Variants in GABRB1 observed in about 807,000 individuals in gnomAD.
The protein encoded by GABRB1 is gamma-aminobutyric acid receptor subunit beta-1.
A neutral mutation model predicts 51.6 loss-of-function variants in GABRB1; 17 were observed. That is an observed-to-expected ratio of 0.33 (90% CI 0.23 to 0.49). The LOEUF (loss-of-function observed/expected upper bound fraction) is 0.49, where lower values mean the gene tolerates loss of function less well. GABRB1 is among the 20% of genes least tolerant of loss of function. The pLI is 0.99. For synonymous variants in GABRB1, 247 were observed against 218.9 expected, an observed-to-expected ratio of 1.13 and a Z score of -1.14; for missense variants, 410 against 600.6, an observed-to-expected ratio of 0.68 and a Z score of 3.32.
At chr4:47,020,312 C>T (rs548192178) in intron 1 of GABRB1, among the ~76,000 whole-genome samples, 1 of 152,256 alleles carries the variant, frequency 6.6e-6, no homozygotes, top group Non-Finnish European at 1.5e-5. Context: ...GATAGGTCTT[C>T]AACTTATGAA....
chr4:47,380,124 T>C (rs1338817133), intron 5 of GABRB1, among the ~76,000 whole-genome samples: 1 of 152,218 alleles, frequency 6.6e-6, no homozygotes, highest in African/African-American at 2.4e-5. Context: ...AGCAGAATTA[T>C]AATTTGTTGT....
At chr4:47,317,256 A>G (rs1724927661) in intron 4 of GABRB1, among the ~76,000 whole-genome samples, 1 of 152,042 alleles carries the variant, frequency 6.6e-6, no homozygotes, top group Non-Finnish European at 1.5e-5. Flanking sequence ...TCTCTGACTG[A>G]AAAGCATCAG....
rs368380004 is a variant in GABRB1, at chr4:47,244,864, T to C, written c.462-75263T>C. ...AAAGCAGTGTGTACAGGGAAATATA[T>C]AGCACTAAATGCCCACAAGAGAAAG... On this transcript the variant is annotated intron_variant, in intron 4 of 8. Transcript: ENST00000295454. 2.6e-5 allele frequency among the ~76,000 whole-genome samples: 4 copies of C among 152,268 alleles called. No individual in the cohort carries two copies. In the East Asian group the frequency reaches 7.7e-4, roughly 29 times the overall value.
chr4:47,099,131 T>C (rs1714605995), intron 3 of GABRB1, among the ~76,000 whole-genome samples: 4 of 152,042 alleles, frequency 2.6e-5, no homozygotes, highest in Admixed American at 2.0e-4. Context: ...CTTTCTTGGG[T>C]TTGAAAATTC....
intron 5 of GABRB1, among the ~76,000 whole-genome samples, chr4:47,395,023 C>T (rs538994019): frequency 1.3e-4 from 20 of 152,224 alleles, no homozygotes; most frequent in Middle Eastern, 6.8e-3. Flanking sequence ...AGGCTACCCC[C>T]TGCAATCCTA....
intron 3 of GABRB1, among the ~76,000 whole-genome samples, chr4:47,092,165 CTTTTT>C (rs869057256): frequency 3.3e-5 from 2 of 60,504 alleles, no homozygotes; most frequent in Non-Finnish European, 2.9e-5. Context: ...TTCTTTCTTT[CTTTTT>C]TTTTTTTTTT....
At chr4:47,241,299 T>C (rs1251653883) in intron 4 of GABRB1, among the ~76,000 whole-genome samples, 1 of 152,190 alleles carries the variant, frequency 6.6e-6, no homozygotes, top group Non-Finnish European at 1.5e-5. Context: ...TGTTGTAGGA[T>C]GAGACTGGTA....
intron 4 of GABRB1, among the ~76,000 whole-genome samples, chr4:47,240,600 C>A (rs536308925): frequency 6.6e-6 from 1 of 152,278 alleles, no homozygotes; most frequent in South Asian, 2.1e-4. Flanking sequence ...TATAGCTCAG[C>A]AGTGAAAGGA....
At chr4:47,275,953 A>G (rs1723060289) in intron 4 of GABRB1, among the ~76,000 whole-genome samples, 1 of 152,160 alleles carries the variant, frequency 6.6e-6, no homozygotes, top group South Asian at 2.1e-4. Context: ...GATTCTTACA[A>G]TTATGTAGTT....
At chr4:47,041,448 C>T (rs1174237586) in intron 3 of GABRB1, among the ~76,000 whole-genome samples, 5 of 152,008 alleles carry the variant, frequency 3.3e-5, no homozygotes, top group Non-Finnish European at 7.4e-5. Context: ...TAGCAATCAG[C>T]TGTTCTTTCC....
chr4:47,374,970 A>T (rs932057584), intron 5 of GABRB1, among the ~76,000 whole-genome samples: 40 of 152,234 alleles, frequency 2.6e-4, no homozygotes, highest in Admixed American at 6.5e-4. Context: ...GGATCCAAAA[A>T]ATTGGGGAAA....
intron 3 of GABRB1, among the ~76,000 whole-genome samples, chr4:47,108,350 A>G (rs1715061050): frequency 1.3e-5 from 2 of 152,194 alleles, no homozygotes; most frequent in African/African-American, 4.8e-5. Context: ...AAGAGAGAAA[A>G]CTTTGACAAA....
At chr4:47,026,187 C>T (rs1282258614) in intron 1 of GABRB1, among the ~76,000 whole-genome samples, 2 of 152,006 alleles carry the variant, frequency 1.3e-5, no homozygotes, top group Admixed American at 6.6e-5. Context: ...GTCCTTTTCA[C>T]GTTTCTAGCA....
At chr4:47,361,652 C>G (rs558948664) in intron 5 of GABRB1, among the ~76,000 whole-genome samples, 1 of 152,162 alleles carries the variant, frequency 6.6e-6, no homozygotes, top group East Asian at 1.9e-4. Context: ...ATGGTTATGG[C>G]AGTGGTGATG....
intron 4 of GABRB1, among the ~76,000 whole-genome samples, chr4:47,215,942 T>C (rs1720536865): frequency 6.6e-6 from 1 of 152,024 alleles, no homozygotes; most frequent in Non-Finnish European, 1.5e-5. Flanking sequence ...ATAGCATAAA[T>C]TATTTTAAGT....
intron 4 of GABRB1, among the ~76,000 whole-genome samples, chr4:47,231,414 A>G (rs1232775014): frequency 6.6e-6 from 1 of 152,200 alleles, no homozygotes; most frequent in African/African-American, 2.4e-5. Context: ...CAACCATGTT[A>G]TAGTTTCCAA....
At chr4:47,191,898 A>T (rs534796396) in intron 4 of GABRB1, among the ~76,000 whole-genome samples, 1 of 152,142 alleles carries the variant, frequency 6.6e-6, no homozygotes, top group Non-Finnish European at 1.5e-5. Context: ...CCAAACAAAC[A>T]ATGCAAAATT....
chr4:47,364,151 A>G (rs558854888), intron 5 of GABRB1, among the ~76,000 whole-genome samples: 1 of 152,326 alleles, frequency 6.6e-6, no homozygotes, highest in South Asian at 2.1e-4. Flanking sequence ...CCAACAGAGA[A>G]GACACTAGAA....
rs568533717 is a variant in GABRB1 at position 47,215,945 on chromosome 4, T to A, written c.461+54476T>A. Among the ~76,000 whole-genome samples the A allele has an allele frequency of 7.4e-4, 113 of 152,172 alleles. 1 individual carries two copies. Among genetic ancestry groups the A allele is most frequent in the African/African-American group, 2.2e-3 (93 of 41,544 alleles). ...AGGAGCTTCAAAATAGCATAAATTA[T>A]TTTAAGTGGATGATATCACATTTTA... On this transcript the variant is annotated intron_variant, in intron 4 of 8. Coordinates refer to ENST00000295454, the MANE Select transcript of GABRB1 (RefSeq NM_000812.4).
Sources: gnomAD v4.1 joint callset for allele counts (sites outside exome capture counted in the v4.1 genomes callset) on GRCh38, gnomAD v4.1.1 for gene constraint, MANE v1.5 for transcripts, NCBI Gene and HGNC (gene_info 2026-07-23, HGNC 2026-07-21) for gene names.